MAGI2: variants seen among roughly 807,000 people sequenced by gnomAD.
MAGI2 encodes the protein membrane associated guanylate kinase, WW and PDZ domain containing 2, also known as membrane-associated guanylate kinase, WW and PDZ domain-containing protein 2.
Under a neutral mutation model 133.3 loss-of-function variants are expected in MAGI2, and 35 were observed. That is an observed-to-expected ratio of 0.26 (90% CI 0.20 to 0.35). MAGI2 has a LOEUF of 0.35. Ranked by LOEUF, MAGI2 falls within the 10% of genes least tolerant of loss-of-function variation. The pLI is 1.00. For missense variants in MAGI2, 1,636 were observed against 1,863.4 expected, an observed-to-expected ratio of 0.88 and a Z score of 2.25; for synonymous variants, 729 against 710.6, an observed-to-expected ratio of 1.03 and a Z score of -0.41.
chr7:78,042,062 C>T (rs990953371), intron 21 of MAGI2, among the ~76,000 whole-genome samples: 1 of 152,136 alleles, frequency 6.6e-6, no homozygotes, highest in Admixed American at 6.5e-5. Flanking sequence ...CTGAGAGCAT[C>T]CATGAGTACA....
At chr7:78,999,793 C>T (rs1806673714) in intron 2 of MAGI2, among the ~76,000 whole-genome samples, 1 of 152,144 alleles carries the variant, frequency 6.6e-6, no homozygotes, top group Non-Finnish European at 1.5e-5. Context: ...TACAGACTTC[C>T]TTTCTTTTTG....
intron 1 of MAGI2, among the ~76,000 whole-genome samples, chr7:79,095,797 A>T (rs1398307453): frequency 6.6e-6 from 1 of 152,236 alleles, no homozygotes; most frequent in Non-Finnish European, 1.5e-5. Context: ...ATAATAAAAA[A>T]GTTTGAAATA....
chr7:78,036,638 A>T (rs77445131), intron 21 of MAGI2, among the ~76,000 whole-genome samples: 4 of 151,840 alleles, frequency 2.6e-5, no homozygotes, highest in African/African-American at 9.7e-5. Flanking sequence ...TTTTTTTTTA[A>T]GACAGGGTCT....
chr7:79,055,147 G>A (rs753132712), intron 1 of MAGI2, among the ~76,000 whole-genome samples: 55 of 152,134 alleles, frequency 3.6e-4, no homozygotes, highest in Admixed American at 1.7e-3. Flanking sequence ...ACGTTGTTCC[G>A]ATGTATCTTC....
At chr7:79,003,614 C>G (rs1807120535) in intron 2 of MAGI2, among the ~76,000 whole-genome samples, 1 of 152,140 alleles carries the variant, frequency 6.6e-6, no homozygotes, top group Non-Finnish European at 1.5e-5. Context: ...ATACTCAATA[C>G]CAACAGATAT....
chr7:78,666,944 C>T (rs1813660352), intron 2 of MAGI2, among the ~76,000 whole-genome samples: 1 of 152,038 alleles, frequency 6.6e-6, no homozygotes, highest in African/African-American at 2.4e-5. Context: ...ATCAGTAAGA[C>T]CTACTATATA....
intron 21 of MAGI2, among the ~76,000 whole-genome samples, chr7:78,056,482 G>A (rs1438328356): frequency 6.6e-6 from 1 of 152,170 alleles, no homozygotes; most frequent in African/African-American, 2.4e-5. Context: ...GGAATACTAT[G>A]CAGCCATAAA....
At chr7:78,474,687 C>T (rs1180902692) in intron 6 of MAGI2, among the ~76,000 whole-genome samples, 2 of 151,806 alleles carry the variant, frequency 1.3e-5, no homozygotes, top group African/African-American at 2.4e-5. Flanking sequence ...AGATTGTCAA[C>T]CCATACATAT....
At chr7:78,139,183 C>T (rs1822488352) in intron 16 of MAGI2, among the ~76,000 whole-genome samples, 1 of 152,184 alleles carries the variant, frequency 6.6e-6, no homozygotes, top group South Asian at 2.1e-4. Flanking sequence ...AGTGAGCACA[C>T]AGTTTAAAAA....
chr7:78,815,124 C>A (rs143160820), intron 2 of MAGI2, among the ~76,000 whole-genome samples: 116 of 152,210 alleles, frequency 7.6e-4, no homozygotes, highest in African/African-American at 2.6e-3. Flanking sequence ...TCCAAAATAT[C>A]TATGGCTAAA....
intron 1 of MAGI2, among the ~76,000 whole-genome samples, chr7:79,204,762 A>T (rs1012256593): frequency 6.6e-6 from 1 of 152,070 alleles, no homozygotes; most frequent in African/African-American, 2.4e-5. Flanking sequence ...ACAATTTAAT[A>T]GAAAAATTGA....
chr7:78,165,866 C>A (rs1825572172), intron 15 of MAGI2, among the ~76,000 whole-genome samples: 1 of 152,206 alleles, frequency 6.6e-6, no homozygotes, highest in South Asian at 2.1e-4. Context: ...GAAAGGTCAC[C>A]TTTCCATGCC....
intron 2 of MAGI2, among the ~76,000 whole-genome samples, chr7:79,005,954 A>G (rs941409678): frequency 6.6e-6 from 1 of 152,088 alleles, no homozygotes; most frequent in African/African-American, 2.4e-5. Context: ...CTCATTTAGG[A>G]AGATTTGATA....
intron 9 of MAGI2, among the ~76,000 whole-genome samples, chr7:78,309,135 C>G (rs1327020267): frequency 1.3e-5 from 2 of 152,206 alleles, no homozygotes; most frequent in African/African-American, 4.8e-5. Context: ...TTGGAGATGT[C>G]TCAAATAACT....
intron 20 of MAGI2, among the ~76,000 whole-genome samples, chr7:78,118,007 G>A (rs912206237): frequency 1.3e-5 from 2 of 152,120 alleles, no homozygotes; most frequent in Non-Finnish European, 2.9e-5. Flanking sequence ...AAGAATAGAC[G>A]AATAGATCAA....
At chr7:79,360,202 G>A (rs1406730977) in intron 1 of MAGI2, among the ~76,000 whole-genome samples, 1 of 152,032 alleles carries the variant, frequency 6.6e-6, no homozygotes, top group Non-Finnish European at 1.5e-5. Context: ...AAAACAGAAT[G>A]TTATAAATAG....
intron 20 of MAGI2, among the ~76,000 whole-genome samples, chr7:78,084,956 C>T (rs747718889): frequency 7.9e-5 from 12 of 152,152 alleles, no homozygotes; most frequent in Non-Finnish European, 1.8e-4. Context: ...CATTAACCTT[C>T]CCATTTCTTT....
intron 9 of MAGI2, among the ~76,000 whole-genome samples, chr7:78,265,822 A>C (rs77455709): frequency 6.6e-6 from 1 of 152,204 alleles, no homozygotes; most frequent in Non-Finnish European, 1.5e-5. Flanking sequence ...TTTTGCAGAA[A>C]TGGCTCCTAG....
chr7:78,910,537 GA>G (rs1387873829), intron 2 of MAGI2, among the ~76,000 whole-genome samples: 1 of 152,092 alleles, frequency 6.6e-6, no homozygotes, highest in African/African-American at 2.4e-5. Flanking sequence ...ACTTATGAAA[GA>G]TTTTTTTCCA....
Sources: allele counts gnomAD v4.1 joint callset (sites outside exome capture counted in the v4.1 genomes callset), GRCh38; gene constraint gnomAD v4.1.1; transcripts MANE v1.5; gene names NCBI Gene and HGNC (gene_info 2026-07-23, HGNC 2026-07-21).